The following SLC35A5 variants were observed in gnomAD, a reference collection of about 807,000 sequenced individuals.
SLC35A5 encodes UDP-sugar transporter protein SLC35A5.
In SLC35A5, 28 loss-of-function variants were observed where a neutral mutation model predicts 36.3. The ratio of observed to expected loss-of-function variants is 0.77; its 90% confidence interval spans 0.57 to 1.06. The LOEUF is 1.06. SLC35A5 is among the 50% of genes least tolerant of loss of function. SLC35A5 has a pLI of 0.00. For synonymous variants in SLC35A5, 180 were observed against 173.7 expected, an observed-to-expected ratio of 1.04 and a Z score of -0.29; for missense variants, 521 against 499.3, an observed-to-expected ratio of 1.04 and a Z score of -0.41.
chr3:112,582,090 T>C lies in SLC35A5; in HGVS notation c.1210-581T>C, dbSNP rs1174423975. Among the ~76,000 whole-genome samples the C allele has an allele frequency of 2.6e-5, 4 of 152,206 alleles. No homozygotes were observed. The East Asian group carries it at 7.7e-4, about 29-fold the overall frequency. The stretch of plus-strand genomic sequence containing the variant: ...TGAAATAGACATCTAGCTTTAGATT[T>C]ACAATTTTCTTGAGCACACAAAATA... On this transcript the variant is annotated intron_variant, in intron 6 of 6. Transcript: ENST00000492406.
At chr3:112,572,233 T>C (rs2638033) in intron 4 of SLC35A5, among the ~76,000 whole-genome samples, 149,150 of 151,836 alleles carry the variant, frequency 0.98, 73,261 homozygotes, top group Admixed American at 0.99. Flanking sequence ...TGAGCCACCG[T>C]GCCCGGCCGA....
chr3:112,576,154 A>G (rs114218201), intron 5 of SLC35A5, among the ~76,000 whole-genome samples: 12,744 of 148,838 alleles, frequency 0.086, 696 homozygotes, highest in Non-Finnish European at 0.13. Context: ...GTGGGTACGG[A>G]GTCTTGCTCT....
chr3:112,569,270 G>C lies in SLC35A5; in HGVS notation c.229+1G>C. ...GTGTCATTCTGTGTTATAAAGAAAG[G>C]TAAGTCTTGAAATGGTACTATATAC... On this transcript the variant is annotated splice_donor_variant, in intron 3 of 6. Transcript: ENST00000492406. LOFTEE classifies it high-confidence loss of function. The C allele has an allele frequency of 6.2e-7, 1 of 1,613,038 alleles. No individual in the cohort carries two copies. Among genetic ancestry groups the C allele is most frequent in the Non-Finnish European group, 8.5e-7 (1 of 1,179,228 alleles).
chr3:112,577,704 T>C (rs997532837), intron 5 of SLC35A5, among the ~76,000 whole-genome samples: 4 of 152,190 alleles, frequency 2.6e-5, no homozygotes, highest in African/African-American at 9.6e-5. Flanking sequence ...TTTTGAAACA[T>C]GGTGGATGTC....
intron 2 of SLC35A5, among the ~76,000 whole-genome samples, chr3:112,568,427 T>C (rs1934295155): frequency 1.3e-5 from 2 of 152,334 alleles, no homozygotes; most frequent in South Asian, 4.1e-4. Flanking sequence ...GCGAGTTGTT[T>C]GTAAGCATTT....
intron 5 of SLC35A5, among the ~76,000 whole-genome samples, chr3:112,578,827 C>A (rs963838166): frequency 6.6e-6 from 1 of 151,646 alleles, no homozygotes; most frequent in Non-Finnish European, 1.5e-5. Flanking sequence ...CACTTATATG[C>A]GATTTGCAAT....
chr3:112,561,648 A>G, upstream of SLC35A5: 1 of 1,013,046 alleles, frequency 9.9e-7, no homozygotes, highest in Non-Finnish European at 1.4e-6. Flanking sequence ...GGCTGGCAGC[A>G]CCCGAGGGGA....
chr3:112,563,640 T>C, intron 2 of SLC35A5, 107 bp downstream of exon 2: 1 of 1,150,492 alleles, frequency 8.7e-7, no homozygotes, highest in East Asian at 2.8e-5. Context: ...TGCCTTTTGC[T>C]TCATGTGAGT....
chr3:112,561,659 C>A, upstream of SLC35A5: 2 of 816,314 alleles, frequency 2.5e-6, no homozygotes, highest in South Asian at 3.3e-5. Flanking sequence ...CCCGAGGGGA[C>A]GGGACGCGAC....
intron 5 of SLC35A5, among the ~76,000 whole-genome samples, chr3:112,574,504 C>T (rs972915387): frequency 6.6e-5 from 10 of 151,974 alleles, no homozygotes; most frequent in Admixed American, 3.9e-4. Flanking sequence ...CCAAGAGGAC[C>T]GTTGAATAGT....
intron 2 of SLC35A5, among the ~76,000 whole-genome samples, chr3:112,567,005 T>G (rs1934225024): frequency 6.6e-6 from 1 of 152,034 alleles, no homozygotes; most frequent in South Asian, 2.1e-4. Flanking sequence ...GGCGGGTGGA[T>G]CACGAGGTCA....
intron 3 of SLC35A5, 67 bp from the exon 4 acceptor site, chr3:112,570,473 G>A (rs9869455): frequency 0.87 from 1,307,459 of 1,502,956 alleles, 582,100 homozygotes; most frequent in Non-Finnish European, 0.92. Context: ...GTAATCAAGT[G>A]CAGTGTAATT....
At chr3:112,572,343 C>G (rs1362027423) in intron 4 of SLC35A5, among the ~76,000 whole-genome samples, 1 of 151,828 alleles carries the variant, frequency 6.6e-6, no homozygotes. Flanking sequence ...TAATAATATA[C>G]TAGTTCAAAG....
chr3:112,570,430 C>CGTTTATAAAGCTCCCTTTAAAGAATT, intron 3 of SLC35A5, 110 bp from the exon 4 acceptor site: 1 of 1,241,278 alleles, frequency 8.1e-7, no homozygotes, highest in Non-Finnish European at 1.1e-6. Context: ...AATGGAGGCA[C>CGTTTATAAAGCTCCCTTTAAAGAATT]GTTTATAAAG....
intron 3 of SLC35A5, 37 bp downstream of exon 3, chr3:112,569,306 T>C: frequency 4.6e-6 from 7 of 1,518,148 alleles, no homozygotes; most frequent in Non-Finnish European, 6.4e-6. Flanking sequence ...TTGTTAATCA[T>C]AGGACCAAAA....
At chr3:112,562,307 G>C (rs1034349964) in intron 1 of SLC35A5, 34 bp downstream of exon 1, 2 of 152,542 alleles carry the variant, frequency 1.3e-5, no homozygotes, top group Non-Finnish European at 2.9e-5. Flanking sequence ...AATTGCGCCT[G>C]CGTCTGAGGG....
At chr3:112,574,081 G>C in intron 5 of SLC35A5, 125 bp downstream of exon 5, 1 of 784,654 alleles carries the variant, frequency 1.3e-6, no homozygotes, top group Admixed American at 2.3e-5. Context: ...AATTGACTTT[G>C]TGTACTGGGC....
chr3:112,583,267 A>G lies in SLC35A5; in HGVS notation c.*531A>G. The G allele has an allele frequency of 2.5e-6, 1 of 396,152 alleles. No individual in the cohort carries two copies. Among genetic ancestry groups the G allele is most frequent in the Non-Finnish European group, 4.4e-6 (1 of 224,778 alleles). 24.5% of individuals were successfully genotyped at this position (396,152 alleles called of 1,614,324 possible). The stretch of plus-strand genomic sequence containing the variant: ...GGACCTAAATACCTGGCCATACCAT[A>G]GATTTGGGATGATGTAGTCTGTGCT... On this transcript the variant is annotated 3_prime_UTR_variant, in exon 7 of 7. Coordinates refer to ENST00000492406, the MANE Select transcript of SLC35A5 (RefSeq NM_017945.5).
At position 112,580,708 on chromosome 3, in the gene SLC35A5, TGA is replaced by T; in HGVS notation, c.593_594del (p.Glu198ValfsTer16). On this transcript the variant is annotated frameshift_variant, in exon 6 of 7. Transcript: ENST00000492406. LOFTEE classifies it high-confidence loss of function. ...PSNSCLLFRS[E>X]CPRKDNCTAK... ...CCAATTCCTGCCTTCTTTTCAGAAG[TGA>T]GTGTCCCAGAAAAGACAATTGTACA... is the stretch of plus-strand genomic sequence containing the variant. 6.2e-7 allele frequency: 1 copy of T among 1,614,144 alleles called. No homozygotes were observed. Among genetic ancestry groups the T allele is most frequent in the Non-Finnish European group, 8.5e-7 (1 of 1,179,980 alleles).
Sources: allele counts gnomAD v4.1 joint callset (sites outside exome capture counted in the v4.1 genomes callset), GRCh38; gene constraint gnomAD v4.1.1; transcripts MANE v1.5; gene names NCBI Gene and HGNC (gene_info 2026-07-23, HGNC 2026-07-21).